Variants in TTBK1 observed in about 807,000 individuals in gnomAD.
The protein encoded by TTBK1 is tau-tubulin kinase 1.
Under a neutral mutation model 108.5 loss-of-function variants are expected in TTBK1, and 34 were observed. That is an observed-to-expected ratio of 0.31 (90% CI 0.24 to 0.42). TTBK1 has a LOEUF of 0.42. Among genes scored for constraint, TTBK1 ranks in the 10% least tolerant of loss-of-function variants. The probability of loss-of-function intolerance (pLI) is 1.00; values close to 1 mark genes in which losing one functional copy is unlikely to be tolerated. For synonymous variants in TTBK1, 809 were observed against 795.1 expected, an observed-to-expected ratio of 1.02 and a Z score of -0.29; for missense variants, 1,539 against 1,826.0, an observed-to-expected ratio of 0.84 and a Z score of 2.86.
At position 43,285,342 on chromosome 6, in the gene TTBK1, C is replaced by T; in HGVS notation, c.3932C>T (p.Ala1311Val). 1 of 1,285,024 alleles carries T rather than the reference C, an allele frequency of 7.8e-7. No individual in the cohort carries two copies. The highest frequency in any genetic ancestry group is 9.8e-7 in the Non-Finnish European group (1 of 1,020,902). 79.6% of individuals were successfully genotyped at this position (1,285,024 alleles called of 1,614,324 possible). A position where few individuals can be genotyped will look rare whatever the true frequency, so the allele number is the denominator to read the frequency against. ...CAGCGCGCAACAACCAAAGGCCGGG[C>T]AGGAGGCGCGGAGGGCCGGGCTGGG... Reference protein sequence around the residue: ...QAQRATTKGRAGGAEGRAGAR With the variant: ...QAQRATTKGRVGGAEGRAGAR The change falls in exon 15 of 15, where the codon GCA (alanine) becomes GTA (valine). Residue 1311 changes from alanine (A) to valine (V), a missense_variant. By Grantham distance (64) the Ala-to-Val change is moderately conservative. Transcript: ENST00000259750. The surrounding 1 kb of genome is among the most constrained non-coding windows in gnomAD (Gnocchi z 4.7).
chr6:43,246,734 C>T lies in TTBK1; in HGVS notation c.74C>T (p.Pro25Leu), dbSNP rs771526215. 2 of 1,612,326 alleles carry T rather than the reference C, an allele frequency of 1.2e-6. No homozygotes were observed. Among genetic ancestry groups the T allele is most frequent in the South Asian group, 2.2e-5 (2 of 90,882 alleles). ...GGAGGGGAGCAGGCCGACATCCTGC[C>T]GGCCAACTACGTGGTCAAGGATCGC... ...SGGGEQADIL[P>L]ANYVVKDRWK... Residue 25 changes from proline (P) to leucine (L), a missense_variant, in exon 2 of 15, where the codon CCG becomes CTG. This residue lies in a region of TTBK1 where 45 missense variants were observed against 38.0 expected (regional missense o/e 1.19). Transcript: ENST00000259750.
rs774316872 is a variant in TTBK1, at chr6:43,262,877, G to C, written c.1513G>C (p.Asp505His). Reference sequence around the variant, plus strand: ...GCTGTCAGTGGACACAGGCCACGCTGACCGACAGGCCAGTGGCCGCATGGA... The same window carrying C: ...GCTGTCAGTGGACACAGGCCACGCTCACCGACAGGCCAGTGGCCGCATGGA... ...QMLSVDTGHA[D>H]RQASGRMDVS... is the part of the protein sequence containing the mutation. Residue 505 changes from aspartate (D) to histidine (H), a missense_variant, in exon 13 of 15, where the codon GAC becomes CAC. Transcript: ENST00000259750. 1 of 1,613,248 alleles carries C rather than the reference G, an allele frequency of 6.2e-7. No individual in the cohort carries two copies. The highest frequency in any genetic ancestry group is 2.2e-5 in the East Asian group (1 of 44,854).
In TTBK1 at chr6:43,269,665, G is replaced by A. The variant is rs763955382; in HGVS notation, c.1986+6315G>A. On this transcript the variant is annotated intron_variant, in intron 13 of 14. Coordinates refer to ENST00000259750, the MANE Select transcript of TTBK1 (RefSeq NM_032538.3). The surrounding 1 kb of genome is among the most constrained non-coding windows in gnomAD (Gnocchi z 4.8). ...CAGTTGGAGGAGGACAGACTCTCGG[G>A]GCACTCCCTCCCGCGGTACAGCCCC... The A allele has an allele frequency of 6.2e-7, 1 of 1,611,228 alleles. No individual in the cohort carries two copies. The highest frequency in any genetic ancestry group is 8.5e-7 in the Non-Finnish European group (1 of 1,179,378).
intron 13 of TTBK1, among the ~76,000 whole-genome samples, chr6:43,267,722 G>A (rs998962694): frequency 2.0e-5 from 3 of 152,184 alleles, no homozygotes; most frequent in Non-Finnish European, 4.4e-5. Context: ...CTAGGGCAAG[G>A]GTGAAGCAGG....
chr6:43,278,768 G>A (rs1174414389), intron 13 of TTBK1, among the ~76,000 whole-genome samples: 2 of 152,234 alleles, frequency 1.3e-5, no homozygotes, highest in African/African-American at 4.8e-5. Context: ...AGGAGAGGCA[G>A]GGAGACGGTT....
rs1439533147 is a variant in TTBK1 at position 43,285,455 on chromosome 6, A to G, written c.*79A>G. The G allele has an allele frequency of 3.3e-6, 4 of 1,204,948 alleles. No individual in the cohort carries two copies. The highest frequency in any genetic ancestry group is 1.7e-5 in the African/African-American group (1 of 58,546). The allele number at this position is 1,204,948 out of a possible 1,614,324, so 74.6% of individuals were successfully genotyped here. On this transcript the variant is annotated 3_prime_UTR_variant, in exon 15 of 15. Coordinates refer to ENST00000259750, the MANE Select transcript of TTBK1 (RefSeq NM_032538.3). The surrounding 1 kb of genome is among the most constrained non-coding windows in gnomAD (Gnocchi z 4.7). ...AGCCGGCCACACTGGAGCAGCTCCCAGCACAGCCTTACGCGCCCGACGCGC... is the reference window on the plus strand; with the variant it reads ...AGCCGGCCACACTGGAGCAGCTCCCGGCACAGCCTTACGCGCCCGACGCGC...
chr6:43,270,140 C>G (rs1192135981), intron 13 of TTBK1: 22 of 1,368,908 alleles, frequency 1.6e-5, no homozygotes, highest in Non-Finnish European at 1.9e-5. Flanking sequence ...GAGTCTCCGT[C>G]CCACCTCCCC....
chr6:43,266,573 C>T (rs931911912), intron 13 of TTBK1, among the ~76,000 whole-genome samples: 15 of 152,156 alleles, frequency 9.9e-5, no homozygotes, highest in East Asian at 3.9e-4. Flanking sequence ...CAACTCGTTC[C>T]GAGAGCTGAG....
chr6:43,285,422 C>G lies in TTBK1; in HGVS notation c.*46C>G. ...GGTCCCCCACCCTCACCCCGGCCCC[C>G]CACCCGCAGCCGGCCACACTGGAGC... On this transcript the variant is annotated 3_prime_UTR_variant, in exon 15 of 15. Transcript: ENST00000259750. The surrounding 1 kb of genome is among the most constrained non-coding windows in gnomAD (Gnocchi z 4.7). 6 of 1,251,244 alleles carry G rather than the reference C, an allele frequency of 4.8e-6. No homozygotes were observed. Among genetic ancestry groups the G allele is most frequent in the Non-Finnish European group, 6.0e-6 (6 of 1,001,066 alleles). The allele number at this position is 1,251,244 out of a possible 1,614,324, so 77.5% of individuals were successfully genotyped here. A position where few individuals can be genotyped will look rare whatever the true frequency, so the allele number is the denominator to read the frequency against.
Position 43,255,488 on chromosome 6 carries a change from G to C in TTBK1, c.643-64G>C, listed in dbSNP as rs1051498844. ...CCTGACAGATGCCCCTCAGAGAAGG[G>C]TCAGCCGCCCATTCCCAGGGAAGGA... On this transcript the variant is annotated intron_variant, in intron 7 of 14. Coordinates refer to ENST00000259750, the MANE Select transcript of TTBK1 (RefSeq NM_032538.3). 8 of 1,457,588 alleles carry C rather than the reference G, an allele frequency of 5.5e-6. No individual in the cohort carries two copies. In the Admixed American group the frequency reaches 1.6e-4, roughly 29 times the overall value. 90.3% of individuals were successfully genotyped at this position (1,457,588 alleles called of 1,614,324 possible).
rs1301094283 is a variant in TTBK1, at chr6:43,287,033, T to C, written c.*1657T>C. The stretch of plus-strand genomic sequence containing the variant: ...GACCCTGAAAGCAGCCTCCCCCTCA[T>C]GGAGAGTCAGCAGCTTGGGCAGCCA... On this transcript the variant is annotated 3_prime_UTR_variant, in exon 15 of 15. Transcript: ENST00000259750. The surrounding 1 kb of genome is among the most constrained non-coding windows in gnomAD (Gnocchi z 4.1). The C allele has an allele frequency of 6.6e-6, 1 of 152,622 alleles. No individual in the cohort carries two copies. Among genetic ancestry groups the C allele is most frequent in the African/African-American group, 2.4e-5 (1 of 41,428 alleles). 9.5% of individuals were successfully genotyped at this position (152,622 alleles called of 1,614,324 possible). A position where few individuals can be genotyped will look rare whatever the true frequency, so the allele number is the denominator to read the frequency against.
intron 10 of TTBK1, 77 bp downstream of exon 10, chr6:43,258,043 T>A: frequency 1.3e-6 from 2 of 1,489,932 alleles, no homozygotes; most frequent in Non-Finnish European, 1.8e-6. Context: ...TCTCCTCTCC[T>A]CTCTTCCTAT....
chr6:43,253,404 G>A lies in TTBK1; in HGVS notation c.330+40G>A. ...CCCATCCTCGCTCCCCTCTCTAAGAGCTTGGGCTGTGACTCCAGGGTAGGG... is the reference window on the plus strand; with the variant it reads ...CCCATCCTCGCTCCCCTCTCTAAGAACTTGGGCTGTGACTCCAGGGTAGGG... On this transcript the variant is annotated intron_variant, in intron 4 of 14. Transcript: ENST00000259750. The surrounding 1 kb of genome is among the most constrained non-coding windows in gnomAD (Gnocchi z 5.8). 2 of 1,611,840 alleles carry A rather than the reference G, an allele frequency of 1.2e-6. No individual in the cohort carries two copies. Among genetic ancestry groups the A allele is most frequent in the African/African-American group, 1.3e-5 (1 of 74,934 alleles).
intron 9 of TTBK1, among the ~76,000 whole-genome samples, chr6:43,256,865 T>C (rs570688490): frequency 6.6e-6 from 1 of 152,246 alleles, no homozygotes; most frequent in African/African-American, 2.4e-5. Flanking sequence ...AGGCCCAATA[T>C]AGTGGTTAGG....
Position 43,285,080 on chromosome 6 carries a change from G to A in TTBK1, c.3670G>A (p.Gly1224Arg), listed in dbSNP as rs754634032. ...RGLGPGRAQA[G>R]ARPPAPRSPR... ...CCTGGGCCCAGGGCGAGCCCAAGCC[G>A]GAGCCAGGCCCCCAGCGCCGCGCAG... is the stretch of plus-strand genomic sequence containing the variant. The change falls in exon 15 of 15, where the codon GGA becomes AGA. Residue 1224 changes from glycine to arginine, a missense_variant. By Grantham distance (125) the Gly-to-Arg change is moderately radical (BLOSUM62 -2). This residue lies in a region of TTBK1 where 1,055 missense variants were observed against 1,086.5 expected (regional missense o/e 0.97). Transcript: ENST00000259750. The surrounding 1 kb of genome is among the most constrained non-coding windows in gnomAD (Gnocchi z 4.7). 566 of 1,490,798 alleles carry A rather than the reference G, an allele frequency of 3.8e-4. No homozygotes were observed. Among genetic ancestry groups the A allele is most frequent in the Non-Finnish European group, 4.7e-4 (534 of 1,128,412 alleles). 92.3% of individuals were successfully genotyped at this position (1,490,798 alleles called of 1,614,324 possible). A position where few individuals can be genotyped will look rare whatever the true frequency, so the allele number is the denominator to read the frequency against.
Position 43,255,805 on chromosome 6 carries a change from C to G in TTBK1, c.810C>G (p.Leu270=). The G allele has an allele frequency of 3.1e-6, 5 of 1,614,140 alleles. No homozygotes were observed. Among genetic ancestry groups the G allele is most frequent in the Non-Finnish European group, 4.2e-6 (5 of 1,180,032 alleles). The change falls in exon 9 of 15, where the codon CTC becomes CTG. Residue 270 remains leucine, a synonymous_variant. Coordinates refer to ENST00000259750, the MANE Select transcript of TTBK1 (RefSeq NM_032538.3). The stretch of plus-strand genomic sequence containing the variant: ...AGCACATGCCGTCAGAGTTCCACCT[C>G]TTCCTGGACCACATTGCCAGCCTCG... ...LLKHMPSEFH[L]FLDHIASLDY... is the part of the protein sequence containing the mutation.
chr6:43,274,656 A>C, intron 13 of TTBK1, among the ~76,000 whole-genome samples: 1 of 151,378 alleles, frequency 6.6e-6, no homozygotes, highest in Non-Finnish European at 1.5e-5. Flanking sequence ...CCTACCCCAA[A>C]CTCCACTTAG....
rs912723277 is a variant in TTBK1, at chr6:43,244,931, C to T, written c.-55+1223C>T. Among the ~76,000 whole-genome samples the T allele has an allele frequency of 7.9e-5, 12 of 152,196 alleles. No individual in the cohort carries two copies. The South Asian group carries it at 2.5e-3, about 31-fold the overall frequency. On this transcript the variant is annotated intron_variant, in intron 1 of 14. Coordinates refer to ENST00000259750, the MANE Select transcript of TTBK1 (RefSeq NM_032538.3). ...CTCACTGCCCTTCAAATTCCTGATG[C>T]CCCATATCCCACTTTGGCAGAAAGA...
chr6:43,270,012 C>A (rs1037887066), intron 13 of TTBK1: 68 of 1,427,886 alleles, frequency 4.8e-5, no homozygotes, highest in Non-Finnish European at 6.1e-5. Flanking sequence ...GGCAGAGGAC[C>A]ATGGTTCCTT....
Sources: allele counts gnomAD v4.1 joint callset (sites outside exome capture counted in the v4.1 genomes callset), GRCh38; gene constraint gnomAD v4.1.1; regional missense constraint gnomAD v4.1.1; non-coding constraint Gnocchi (gnomAD v3.1); transcripts MANE v1.5; gene names NCBI Gene and HGNC (gene_info 2026-07-23, HGNC 2026-07-21).